The following CCDC92B variants were observed in gnomAD, a reference collection of about 807,000 sequenced individuals.
CCDC92B encodes the protein coiled-coil domain containing 92B.
CCDC92B carries 2 observed loss-of-function variants against 5.6 expected under a neutral mutation model. That is an observed-to-expected ratio of 0.36 (90% CI 0.15 to 1.12). The LOEUF (loss-of-function observed/expected upper bound fraction) is 1.12, where lower values mean the gene tolerates loss of function less well. Ranked by LOEUF, CCDC92B falls within the 50% of genes most tolerant of loss-of-function variation. CCDC92B has a pLI of 0.40. For missense variants in CCDC92B, 271 were observed against 262.2 expected, an observed-to-expected ratio of 1.03 and a Z score of -0.23; for synonymous variants, 115 against 122.3, an observed-to-expected ratio of 0.94 and a Z score of 0.39.
chr17:2,726,844 A>C (rs879406504), intron 3 of CCDC92B, among the ~76,000 whole-genome samples: 1 of 144,420 alleles, frequency 6.9e-6, no homozygotes, highest in Non-Finnish European at 1.5e-5. Context: ...CAAACTCCTG[A>C]CCTTGTGATC....
intron 1 of CCDC92B, chr17:2,748,639 G>C (rs2071017313): frequency 1.0e-6 from 1 of 973,858 alleles, no homozygotes; most frequent in Non-Finnish European, 1.2e-6. Context: ...GGCCCACAAT[G>C]AATGCTGCTG....
chr17:2,740,783 C>T (rs1381128475), intron 1 of CCDC92B, among the ~76,000 whole-genome samples: 1 of 151,732 alleles, frequency 6.6e-6, no homozygotes, highest in Admixed American at 6.6e-5. Context: ...CTTTGGGCAA[C>T]ATGATGAAAC....
At position 2,724,593 on chromosome 17, in the gene CCDC92B, G is replaced by A. The variant is rs1428490946; in HGVS notation, c.586C>T (p.Arg196Cys). The A allele has an allele frequency of 4.1e-6, 4 of 981,988 alleles. No homozygotes were observed. The highest frequency in any genetic ancestry group is 4.6e-5 in the South Asian group (1 of 21,772). The allele number at this position is 981,988 out of a possible 1,614,324, so 60.8% of individuals were successfully genotyped here. Residue 196 changes from arginine (R) to cysteine (C), a missense_variant, in exon 4 of 4, where the codon CGC becomes TGC. By Grantham distance (180) the Arg-to-Cys change is radical. Coordinates refer to ENST00000614400, the MANE Select transcript of CCDC92B (RefSeq NM_001355573.2). This position sits in a 1 kb window ranked among gnomAD's most constrained non-coding sequence, Gnocchi z 5.0. ...GCGTCGTCGAGGGCGCCGGCCCCGC[G>A]GTCCCAGGCGGCCCAGTCCCGGCCG... ...GPGRDWAAWD[R>C]GAGALDDADP...
rs1032209657 is a variant in CCDC92B at position 2,724,441 on chromosome 17, G to A, written c.738C>T (p.Ser246=). Residue 246 remains serine, a synonymous_variant, in exon 4 of 4, where the codon AGC becomes AGT. Coordinates refer to ENST00000614400, the MANE Select transcript of CCDC92B (RefSeq NM_001355573.2). This position sits in a 1 kb window ranked among gnomAD's most constrained non-coding sequence, Gnocchi z 5.0. ...CCGGGTCCCCGGGCGCGCTGGGCTG[G>A]CTGGGCGCGGGCTGCGGGCCGGCTC... ...PDRAGPQPAP[S]QPSAPGDPE 6.1e-6 allele frequency: 6 copies of A among 984,180 alleles called. No individual in the cohort carries two copies. Among genetic ancestry groups the A allele is most frequent in the Non-Finnish European group, 6.0e-6 (5 of 829,604 alleles). 61.0% of individuals were successfully genotyped at this position (984,180 alleles called of 1,614,324 possible).
At position 2,724,409 on chromosome 17, in the gene CCDC92B, G is replaced by A; in HGVS notation, c.*2C>T. The A allele has an allele frequency of 4.1e-6, 4 of 984,820 alleles. No homozygotes were observed. Among genetic ancestry groups the A allele is most frequent in the Non-Finnish European group, 4.8e-6 (4 of 829,760 alleles). The allele number at this position is 984,820 out of a possible 1,614,324, so 61.0% of individuals were successfully genotyped here. A position where few individuals can be genotyped will look rare whatever the true frequency, so the allele number is the denominator to read the frequency against. The stretch of plus-strand genomic sequence containing the variant: ...CCCGCGTCACCCCGGCCAGCCTGGC[G>A]CCTACTCCGGGTCCCCGGGCGCGCT... On this transcript the variant is annotated 3_prime_UTR_variant, in exon 4 of 4. Transcript: ENST00000614400. The surrounding 1 kb of genome is among the most constrained non-coding windows in gnomAD (Gnocchi z 5.0).
rs980336437 is a variant in CCDC92B at position 2,730,905 on chromosome 17, C to T, written c.131-412G>A. 4.6e-5 allele frequency among the ~76,000 whole-genome samples: 7 copies of T among 152,204 alleles called. No homozygotes were observed. The East Asian group carries it at 9.6e-4, about 21-fold the overall frequency. On this transcript the variant is annotated intron_variant, in intron 2 of 3. Coordinates refer to ENST00000614400, the MANE Select transcript of CCDC92B (RefSeq NM_001355573.2). ...TTGCCGTGCAGGGCTTTGACCCTTTCGTGTTTAGCTGATGGCCGCTGGAGT... is the reference window on the plus strand; with the variant it reads ...TTGCCGTGCAGGGCTTTGACCCTTTTGTGTTTAGCTGATGGCCGCTGGAGT...
intron 2 of CCDC92B, 88 bp from the exon 3 acceptor site, chr17:2,730,581 G>C (rs2070783525): frequency 1.6e-6 from 1 of 624,286 alleles, no homozygotes; most frequent in African/African-American, 2.1e-5. Flanking sequence ...GAGAGAGAGA[G>C]AGAGATCATG....
At position 2,729,450 on chromosome 17, in the gene CCDC92B, T is replaced by C. The variant is rs545140913; in HGVS notation, c.178+996A>G. On this transcript the variant is annotated intron_variant, in intron 3 of 3. Coordinates refer to ENST00000614400, the MANE Select transcript of CCDC92B (RefSeq NM_001355573.2). ...TGGAGGTTGCAGTGAGCCGAGATCG[T>C]GCCACTGCACTCCAGCCTGGGCGAC... Among the ~76,000 whole-genome samples, 298 of 135,284 alleles carry C rather than the reference T, an allele frequency of 2.2e-3. 1 individual carries two copies. Among genetic ancestry groups the C allele is most frequent in the South Asian group, 4.6e-3 (20 of 4,344 alleles). The allele number at this position is 135,284 out of a possible 152,430, so 88.8% of individuals were successfully genotyped here. A position where few individuals can be genotyped will look rare whatever the true frequency, so the allele number is the denominator to read the frequency against.
rs1180881874 is a variant in CCDC92B, at chr17:2,732,929, T to C, written c.130+2087A>G. Among the ~76,000 whole-genome samples the C allele has an allele frequency of 4.0e-5, 6 of 150,464 alleles. No individual in the cohort carries two copies. The South Asian group carries it at 6.4e-4, about 16-fold the overall frequency. ...TCGGGAGGCTGAGGCAGGAGAATGGTGTGAACCTGGGAGGCGGAGCTTGCA... is the reference window on the plus strand; with the variant it reads ...TCGGGAGGCTGAGGCAGGAGAATGGCGTGAACCTGGGAGGCGGAGCTTGCA... On this transcript the variant is annotated intron_variant, in intron 2 of 3. Transcript: ENST00000614400.
intron 1 of CCDC92B, among the ~76,000 whole-genome samples, chr17:2,739,072 AAAAT>A (rs563436951): frequency 2.0e-5 from 3 of 151,454 alleles, no homozygotes; most frequent in South Asian, 2.1e-4. Flanking sequence ...CTCTGTCTCA[AAAAT>A]AAATAAATAG....
intron 1 of CCDC92B, among the ~76,000 whole-genome samples, chr17:2,736,055 A>T (rs897945490): frequency 1.3e-5 from 2 of 152,194 alleles, no homozygotes; most frequent in Non-Finnish European, 2.9e-5. Context: ...GGCTCCTCCA[A>T]GTGGCAGAGG....
Position 2,741,718 on chromosome 17 carries a change from G to A in CCDC92B, c.-23-6550C>T, listed in dbSNP as rs965949080. On this transcript the variant is annotated intron_variant, in intron 1 of 3. Transcript: ENST00000614400. ...CCTCATTCTCCTGCCTCAGCCTCCC[G>A]AGTAGCTGGGACTACAGGGGCCCAC... 6.2e-5 allele frequency among the ~76,000 whole-genome samples: 9 copies of A among 145,456 alleles called. No homozygotes were observed. In the East Asian group the frequency reaches 1.4e-3, roughly 22 times the overall value.
At chr17:2,725,307 G>A (rs2070715179) in intron 3 of CCDC92B, among the ~76,000 whole-genome samples, 1 of 151,866 alleles carries the variant, frequency 6.6e-6, no homozygotes, top group African/African-American at 2.4e-5. Context: ...CGCTTGAACC[G>A]GGGAGGCGGA....
chr17:2,724,277 A>T lies in CCDC92B; in HGVS notation c.*134T>A. On this transcript the variant is annotated 3_prime_UTR_variant, in exon 4 of 4. Transcript: ENST00000614400. This position sits in a 1 kb window ranked among gnomAD's most constrained non-coding sequence, Gnocchi z 5.0. ...GCTGGCGGTTCGGGGATTTGGGGGG[A>T]GCCGGGGCCGCCTCGCCCCGCTTCC... The T allele has an allele frequency of 1.0e-6, 1 of 984,704 alleles. No homozygotes were observed. Among genetic ancestry groups the T allele is most frequent in the Non-Finnish European group, 1.2e-6 (1 of 829,742 alleles). The allele number at this position is 984,704 out of a possible 1,614,324, so 61.0% of individuals were successfully genotyped here. A position where few individuals can be genotyped will look rare whatever the true frequency, so the allele number is the denominator to read the frequency against.
chr17:2,740,147 T>C (rs2070910409), intron 1 of CCDC92B, among the ~76,000 whole-genome samples: 1 of 152,058 alleles, frequency 6.6e-6, no homozygotes, highest in African/African-American at 2.4e-5. Context: ...CTTTCTGCCT[T>C]GTGACAGGCA....
chr17:2,739,429 C>G (rs917251193), intron 1 of CCDC92B, among the ~76,000 whole-genome samples: 8 of 151,296 alleles, frequency 5.3e-5, no homozygotes, highest in Admixed American at 1.3e-4. Flanking sequence ...GCCTGTAATC[C>G]CAGCACTTTG....
chr17:2,721,126 G>A lies in CCDC92B; in HGVS notation c.*3285C>T, dbSNP rs946958200. 2 of 152,346 alleles carry A rather than the reference G, an allele frequency of 1.3e-5. No individual in the cohort carries two copies. Among genetic ancestry groups the A allele is most frequent in the African/African-American group, 4.8e-5 (2 of 41,454 alleles). 9.4% of individuals were successfully genotyped at this position (152,346 alleles called of 1,614,324 possible). On this transcript the variant is annotated 3_prime_UTR_variant, in exon 4 of 4. Coordinates refer to ENST00000614400, the MANE Select transcript of CCDC92B (RefSeq NM_001355573.2). ...GGGGACGCCATCCTACTGCTTATAT[G>A]GGGAAGGGTTATCCCATTTTGGCCC...
intron 1 of CCDC92B, among the ~76,000 whole-genome samples, chr17:2,737,617 G>A (rs1233021959): frequency 1.3e-5 from 2 of 150,012 alleles, no homozygotes; most frequent in Non-Finnish European, 1.5e-5. Flanking sequence ...GACTACAGGC[G>A]CCCACCACCA....
chr17:2,743,741 G>A (rs1321618038), intron 1 of CCDC92B, among the ~76,000 whole-genome samples: 1 of 152,144 alleles, frequency 6.6e-6, no homozygotes, highest in East Asian at 1.9e-4. Context: ...CTCTCCAAAT[G>A]TCAGCTCCTC....
Sources: allele counts gnomAD v4.1 joint callset (sites outside exome capture counted in the v4.1 genomes callset), GRCh38; gene constraint gnomAD v4.1.1; non-coding constraint Gnocchi (gnomAD v3.1); transcripts MANE v1.5; gene names NCBI Gene and HGNC (gene_info 2026-07-23, HGNC 2026-07-21).